The following TBC1D4 variants were observed in gnomAD, a reference collection of about 807,000 sequenced individuals.
TBC1D4 encodes the protein TBC (Tre-2, BUB2, CDC16) domain-containing protein.
A neutral mutation model predicts 142.5 loss-of-function variants in TBC1D4; 121 were observed. The ratio of observed to expected loss-of-function variants is 0.85; its 90% confidence interval spans 0.73 to 0.99. TBC1D4 has a LOEUF of 0.99. Ranked by LOEUF, TBC1D4 falls within the 50% of genes least tolerant of loss-of-function variation. The pLI is 0.00. For missense variants in TBC1D4, 1,475 were observed against 1,606.6 expected (o/e 0.92, Z 1.40); for synonymous variants, 630 against 628.2 (o/e 1.00, Z -0.04).
chr13:75,398,150 G>A (rs186272787), intron 1 of TBC1D4, among the ~76,000 whole-genome samples: 15 of 152,372 alleles, frequency 9.8e-5, no homozygotes, highest in Admixed American at 1.3e-4. Context: ...AGTCCTGGCA[G>A]ATGCCATGTG....
intron 1 of TBC1D4, among the ~76,000 whole-genome samples, chr13:75,463,068 G>A (rs1432896185): frequency 6.6e-6 from 1 of 152,082 alleles, no homozygotes; most frequent in Admixed American, 6.5e-5. Context: ...TGCTGTTTAA[G>A]TGACAGATGT....
At chr13:75,413,562 ATTC>A (rs538572564) in intron 1 of TBC1D4, among the ~76,000 whole-genome samples, 71 of 152,076 alleles carry the variant, frequency 4.7e-4, no homozygotes, top group Admixed American at 1.3e-3. Context: ...GCCCAAGACA[ATTC>A]TTCTTCCAAT....
intron 5 of TBC1D4, among the ~76,000 whole-genome samples, chr13:75,343,236 T>A (rs1880858777): frequency 6.6e-6 from 1 of 152,206 alleles, no homozygotes; most frequent in African/African-American, 2.4e-5. Context: ...TACAGGAGGA[T>A]CACCTGAAAA....
intron 13 of TBC1D4, among the ~76,000 whole-genome samples, chr13:75,310,967 A>G (rs75149808): frequency 0.027 from 4,096 of 152,252 alleles, 123 homozygotes; most frequent in African/African-American, 0.065. Flanking sequence ...ATGTGGCTCC[A>G]AAGGACATGA....
intron 1 of TBC1D4, among the ~76,000 whole-genome samples, chr13:75,418,607 T>C (rs1267425649): frequency 6.6e-6 from 1 of 152,210 alleles, no homozygotes; most frequent in Non-Finnish European, 1.5e-5. Context: ...ACTTGTTATC[T>C]ACATAAATAT....
chr13:75,314,357 A>G (rs1295453701), intron 12 of TBC1D4, among the ~76,000 whole-genome samples: 1 of 152,202 alleles, frequency 6.6e-6, no homozygotes, highest in African/African-American at 2.4e-5. Flanking sequence ...CCACTCTCAG[A>G]TACTCAAAGG....
chr13:75,311,283 T>C (rs1877725676), intron 13 of TBC1D4, among the ~76,000 whole-genome samples: 1 of 152,202 alleles, frequency 6.6e-6, no homozygotes, highest in Admixed American at 6.5e-5. Context: ...CAGAGCTTCG[T>C]CATTCCTTCC....
At chr13:75,397,260 A>G (rs1413076572) in intron 1 of TBC1D4, among the ~76,000 whole-genome samples, 1 of 152,242 alleles carries the variant, frequency 6.6e-6, no homozygotes. Context: ...ATATTAGCAT[A>G]AAACCTTTAG....
At chr13:75,473,870 T>G (rs1888518948) in intron 1 of TBC1D4, among the ~76,000 whole-genome samples, 1 of 152,222 alleles carries the variant, frequency 6.6e-6, no homozygotes, top group South Asian at 2.1e-4. Flanking sequence ...ACTTTATAAT[T>G]CAATAAAATA....
intron 1 of TBC1D4, among the ~76,000 whole-genome samples, chr13:75,422,454 G>T (rs550332916): frequency 6.6e-6 from 1 of 152,076 alleles, no homozygotes; most frequent in African/African-American, 2.4e-5. Context: ...GCAAAAAGTC[G>T]TTAACTATGC....
chr13:75,430,847 T>C (rs1459267624), intron 1 of TBC1D4, among the ~76,000 whole-genome samples: 2 of 152,116 alleles, frequency 1.3e-5, no homozygotes, highest in Non-Finnish European at 2.9e-5. Context: ...CGCAGCTCCA[T>C]CCCTGAGTGT....
intron 1 of TBC1D4, among the ~76,000 whole-genome samples, chr13:75,384,604 C>T (rs1011907561): frequency 2.0e-5 from 3 of 150,668 alleles, no homozygotes; most frequent in East Asian, 1.9e-4. Flanking sequence ...AGGTTGCCAC[C>T]GCAAAATACA....
intron 1 of TBC1D4, among the ~76,000 whole-genome samples, chr13:75,448,537 C>T (rs945144184): frequency 3.4e-5 from 5 of 148,146 alleles, no homozygotes; most frequent in African/African-American, 1.2e-4. Context: ...CATTGTACTC[C>T]AGCCTGGGTA....
intron 13 of TBC1D4, among the ~76,000 whole-genome samples, chr13:75,312,277 G>C (rs763039637): frequency 1.3e-5 from 2 of 151,820 alleles, no homozygotes; most frequent in Non-Finnish European, 2.9e-5. Context: ...AAAAGGCTAT[G>C]TTGCTTTTCT....
chr13:75,460,083 C>A (rs1055965114), intron 1 of TBC1D4, among the ~76,000 whole-genome samples: 4 of 152,062 alleles, frequency 2.6e-5, no homozygotes, highest in African/African-American at 9.7e-5. Flanking sequence ...GCGGAGCTTG[C>A]AGTGAGCCGA....
At chr13:75,356,084 G>T in intron 4 of TBC1D4, 63 bp downstream of exon 4, 1 of 1,284,050 alleles carries the variant, frequency 7.8e-7, no homozygotes, top group Non-Finnish European at 1.1e-6. Context: ...GCTCCTAAGA[G>T]ACAAGTCTTC....
At chr13:75,356,297 AT>A in intron 3 of TBC1D4, 46 bp from the exon 4 acceptor site, 2 of 1,326,748 alleles carry the variant, frequency 1.5e-6, no homozygotes, top group Non-Finnish European at 2.2e-6. Context: ...GGGAATATAT[AT>A]TTTTTACTCA....
intron 1 of TBC1D4, among the ~76,000 whole-genome samples, chr13:75,420,990 T>C (rs1459959177): frequency 6.6e-6 from 1 of 152,206 alleles, no homozygotes; most frequent in Non-Finnish European, 1.5e-5. Flanking sequence ...AGCCCAACAC[T>C]GGAAAGTCAA....
At chr13:75,293,357 A>G (rs544018944) in intron 18 of TBC1D4, among the ~76,000 whole-genome samples, 1 of 152,340 alleles carries the variant, frequency 6.6e-6, no homozygotes, top group South Asian at 2.1e-4. Context: ...TGTTTTATAA[A>G]TTCAAAGAAG....
Sources: allele counts gnomAD v4.1 joint callset (sites outside exome capture counted in the v4.1 genomes callset), GRCh38; gene constraint gnomAD v4.1.1; transcripts MANE v1.5; gene names NCBI Gene and HGNC (gene_info 2026-07-23, HGNC 2026-07-21).